DDO: variants seen among roughly 807,000 people sequenced by gnomAD.
DDO encodes the protein D-aspartate oxidase, also known as D-aspartate oxidase, DDO.
A neutral mutation model predicts 16.8 loss-of-function variants in DDO; 16 were observed. The observed-to-expected ratio is 0.95, with a 90% CI of 0.65 to 1.45. The LOEUF is 1.45. Ranked by LOEUF, DDO falls within the 40% of genes most tolerant of loss-of-function variation. The pLI is 0.00. For synonymous variants in DDO, 180 were observed against 167.2 expected (o/e 1.08, Z -0.59); for missense variants, 429 against 420.3 (o/e 1.02, Z -0.18).
intron 4 of DDO, among the ~76,000 whole-genome samples, chr6:110,400,352 G>GGGGGA (rs1554220580): frequency 2.0e-5 from 3 of 147,824 alleles, no homozygotes; most frequent in African/African-American, 7.4e-5. Flanking sequence ...CCGGGGCGGG[G>GGGGGA]ACTGGCGCCT....
At chr6:110,404,699 TG>T (rs1252633499) in intron 4 of DDO, 74 bp downstream of exon 4, 156 of 1,504,886 alleles carry the variant, frequency 1.0e-4, no homozygotes, top group Middle Eastern at 3.6e-4. Context: ...CTTTTCAGTA[TG>T]TATTTTATGA....
chr6:110,394,563 A>C (rs1773228906), intron 4 of DDO, among the ~76,000 whole-genome samples: 1 of 152,240 alleles, frequency 6.6e-6, no homozygotes, highest in African/African-American at 2.4e-5. Context: ...CATGCGGGGC[A>C]CTGCTAAGAG....
intron 2 of DDO, among the ~76,000 whole-genome samples, chr6:110,409,273 C>A (rs1773768455): frequency 6.6e-6 from 1 of 152,178 alleles, no homozygotes; most frequent in Non-Finnish European, 1.5e-5. Flanking sequence ...CAGGAATGAC[C>A]CAAAATCACA....
chr6:110,394,120 T>C (rs1030597249), intron 4 of DDO, among the ~76,000 whole-genome samples: 1 of 150,362 alleles, frequency 6.7e-6, no homozygotes, highest in Non-Finnish European at 1.5e-5. Flanking sequence ...TTTTTTTTTT[T>C]CTGAGATGGG....
chr6:110,394,050 C>CATTT (rs1773206691), intron 4 of DDO, among the ~76,000 whole-genome samples: 1 of 152,140 alleles, frequency 6.6e-6, no homozygotes. Flanking sequence ...GTATTAAGCA[C>CATTT]ATTTACCTTG....
In DDO at chr6:110,393,046, C is replaced by T. The variant is rs1422530990; in HGVS notation, c.755G>A (p.Arg252Lys). ...AGCACAGCATCGGGAAAGAATCTCT[C>T]TGCTATTTTCTGCATCCGGGGACAG... ...WNLSPDAENSREILSRCCALE... is the reference protein window; with the variant it reads ...WNLSPDAENSKEILSRCCALE... Residue 252 changes from arginine (R) to lysine (K), a missense_variant, in exon 5 of 5, where the codon AGA (arginine) becomes AAA (lysine). Transcript: ENST00000368924. 1 of 1,612,490 alleles carries T rather than the reference C, an allele frequency of 6.2e-7. No individual in the cohort carries two copies. The highest frequency in any genetic ancestry group is 1.3e-5 in the African/African-American group (1 of 75,042).
At chr6:110,402,330 A>G (rs1041798559) in intron 4 of DDO, among the ~76,000 whole-genome samples, 2 of 152,218 alleles carry the variant, frequency 1.3e-5, no homozygotes, top group African/African-American at 4.8e-5. Flanking sequence ...TACTGTGTTT[A>G]TGTAAGAGGA....
At chr6:110,408,313 A>T (rs1773725677) in intron 3 of DDO, 21 bp downstream of exon 3, 1 of 1,606,096 alleles carries the variant, frequency 6.2e-7, no homozygotes, top group Non-Finnish European at 8.5e-7. Flanking sequence ...CTCTAAAATA[A>T]CTTCAAATTT....
chr6:110,410,221 C>T (rs996290649), intron 2 of DDO, among the ~76,000 whole-genome samples: 1 of 152,186 alleles, frequency 6.6e-6, no homozygotes, highest in African/African-American at 2.4e-5. Flanking sequence ...AAACCCTGGT[C>T]CAGGAGAACC....
At chr6:110,391,350 C>CTTT, downstream of DDO, among the ~76,000 whole-genome samples, 1 of 96,308 alleles carries the variant, frequency 1.0e-5, no homozygotes, top group Admixed American at 1.1e-4. Context: ...TCTCCTCAAG[C>CTTT]CTTTTTTTTT....
At chr6:110,393,588 T>C (rs1773189720) in intron 4 of DDO, among the ~76,000 whole-genome samples, 1 of 152,254 alleles carries the variant, frequency 6.6e-6, no homozygotes, top group African/African-American at 2.4e-5. Context: ...GGAAATTATA[T>C]GCTTTGCCCT....
At chr6:110,414,505 G>A (rs1325251439) in intron 1 of DDO, among the ~76,000 whole-genome samples, 3 of 152,248 alleles carry the variant, frequency 2.0e-5, no homozygotes, top group Non-Finnish European at 2.9e-5. Context: ...CAGACATCCC[G>A]GAGCCCGGGC....
chr6:110,406,613 A>G (rs1343951615), intron 3 of DDO, among the ~76,000 whole-genome samples: 1 of 152,124 alleles, frequency 6.6e-6, no homozygotes, highest in Non-Finnish European at 1.5e-5. Context: ...AACTCCCTCA[A>G]TGGCTTCCCA....
chr6:110,393,061 T>G lies in DDO; in HGVS notation c.740A>C (p.Asp247Ala), dbSNP rs1161775616. 1 of 1,613,286 alleles carries G rather than the reference T, an allele frequency of 6.2e-7. No individual in the cohort carries two copies. Among genetic ancestry groups the G allele is most frequent in the Admixed American group, 1.7e-5 (1 of 60,022 alleles). ...AAGAATCTCTCTGCTATTTTCTGCATCCGGGGACAGATTCCAGTCCCCTTT... is the reference window on the plus strand; with the variant it reads ...AAGAATCTCTCTGCTATTTTCTGCAGCCGGGGACAGATTCCAGTCCCCTTT... The part of the protein sequence containing the change: ...RQKGDWNLSP[D>A]AENSREILSR... Residue 247 changes from aspartate to alanine, a missense_variant, in exon 5 of 5, where the codon GAT becomes GCT. Physicochemically the swap from Asp to Ala is moderately radical, Grantham distance 126 (BLOSUM62 -2). Transcript: ENST00000368924.
At chr6:110,407,869 C>T (rs1215346700) in intron 3 of DDO, among the ~76,000 whole-genome samples, 2 of 152,120 alleles carry the variant, frequency 1.3e-5, no homozygotes, top group African/African-American at 2.4e-5. Context: ...CTTCAAAAGG[C>T]AAGTTTAGTG....
chr6:110,414,568 G>T (rs1263711133), intron 1 of DDO, among the ~76,000 whole-genome samples: 2 of 152,228 alleles, frequency 1.3e-5, no homozygotes, highest in Non-Finnish European at 2.9e-5. Context: ...ACGGAGCCTT[G>T]CTCCACTGTC....
At chr6:110,390,349 A>G (rs1010161014), downstream of DDO, among the ~76,000 whole-genome samples, 1 of 152,268 alleles carries the variant, frequency 6.6e-6, no homozygotes, top group Non-Finnish European at 1.5e-5. Flanking sequence ...TTCATAAAGC[A>G]GGCCTGGGCA....
At chr6:110,409,019 A>G (rs1239923395) in intron 2 of DDO, among the ~76,000 whole-genome samples, 1 of 152,204 alleles carries the variant, frequency 6.6e-6, no homozygotes, top group East Asian at 1.9e-4. Context: ...AGCCCCCTGC[A>G]GGCCAGACTT....
intron 4 of DDO, among the ~76,000 whole-genome samples, chr6:110,403,725 T>C (rs12527349): frequency 0.028 from 4,218 of 152,330 alleles, 185 homozygotes; most frequent in Admixed American, 0.12. Context: ...CATTCTAACC[T>C]GCATAAGTCT....
Sources: allele counts gnomAD v4.1 joint callset (sites outside exome capture counted in the v4.1 genomes callset), GRCh38; gene constraint gnomAD v4.1.1; transcripts MANE v1.5; gene names NCBI Gene and HGNC (gene_info 2026-07-23, HGNC 2026-07-21).